HTR7: variants seen among roughly 807,000 people sequenced by gnomAD.
HTR7 encodes the protein 5-HT-7.
In HTR7, 16 loss-of-function variants were observed where a neutral mutation model predicts 34.0. The observed-to-expected ratio is 0.47, with a 90% confidence interval of 0.32 to 0.71. The LOEUF is 0.71. HTR7 is among the 30% of genes least tolerant of loss of function. The pLI, the probability that HTR7 is intolerant of heterozygous loss-of-function variation, is 0.04. For synonymous variants in HTR7, 265 were observed against 260.2 expected (o/e 1.02, Z -0.18); for missense variants, 504 against 625.5 (o/e 0.81, Z 2.07).
chr10:90,787,879 C>A (rs1845404618), intron 1 of HTR7, among the ~76,000 whole-genome samples: 1 of 151,950 alleles, frequency 6.6e-6, no homozygotes, highest in African/African-American at 2.4e-5. Context: ...CTTATGACCT[C>A]TTCCGCTTGC....
intron 1 of HTR7, among the ~76,000 whole-genome samples, chr10:90,841,722 G>A (rs375369338): frequency 5.3e-5 from 8 of 152,262 alleles, no homozygotes; most frequent in South Asian, 2.1e-4. Context: ...CCTGCTGGCC[G>A]GGCGTGATGG....
chr10:90,813,160 ACTCTCTTTTCAGAC>A (rs1845843766), intron 1 of HTR7, among the ~76,000 whole-genome samples: 1 of 151,370 alleles, frequency 6.6e-6, no homozygotes, highest in Admixed American at 6.6e-5. Flanking sequence ...CCCTTTGCTG[ACTCTCTTTTCAGAC>A]TTAGCCCGCC....
chr10:90,830,715 G>C (rs1029271429), intron 1 of HTR7, among the ~76,000 whole-genome samples: 4 of 150,310 alleles, frequency 2.7e-5, no homozygotes, highest in African/African-American at 9.8e-5. Flanking sequence ...TTAAGCCCGG[G>C]AGATGGAGGC....
At chr10:90,846,484 A>C (rs565476777) in intron 1 of HTR7, among the ~76,000 whole-genome samples, 32 of 152,210 alleles carry the variant, frequency 2.1e-4, no homozygotes, top group Admixed American at 9.8e-4. Flanking sequence ...GGTTCCAGCA[A>C]TTCTGTGGAG....
chr10:90,769,604 T>A (rs1845075894), intron 1 of HTR7, among the ~76,000 whole-genome samples: 1 of 152,210 alleles, frequency 6.6e-6, no homozygotes, highest in African/African-American at 2.4e-5. Context: ...TATTTTCTGG[T>A]TTAAAGTTTA....
intron 1 of HTR7, among the ~76,000 whole-genome samples, chr10:90,806,442 A>C (rs1282398193): frequency 1.3e-5 from 2 of 152,064 alleles, no homozygotes; most frequent in Non-Finnish European, 2.9e-5. Flanking sequence ...ACTAAAAAAT[A>C]CAAAAAATTA....
chr10:90,835,244 G>A (rs1365845455), intron 1 of HTR7, among the ~76,000 whole-genome samples: 1 of 152,184 alleles, frequency 6.6e-6, no homozygotes, highest in Non-Finnish European at 1.5e-5. Context: ...TCCCCATGCT[G>A]GAGATGTTCA....
chr10:90,800,186 A>T (rs1215080961), intron 1 of HTR7, among the ~76,000 whole-genome samples: 1 of 142,200 alleles, frequency 7.0e-6, no homozygotes. Context: ...ACAAAACTGG[A>T]ATTCCCATAC....
At chr10:90,830,282 TA>T (rs1846146588) in intron 1 of HTR7, among the ~76,000 whole-genome samples, 2 of 152,206 alleles carry the variant, frequency 1.3e-5, no homozygotes, top group Non-Finnish European at 2.9e-5. Context: ...ACTCTGCAAT[TA>T]TTAAAGAACA....
At chr10:90,805,372 G>C (rs906599777) in intron 1 of HTR7, among the ~76,000 whole-genome samples, 21 of 152,306 alleles carry the variant, frequency 1.4e-4, no homozygotes, top group Middle Eastern at 6.8e-3. Flanking sequence ...ATCAGTCTTT[G>C]AATCTCTTTG....
At chr10:90,820,610 A>C (rs1845964316) in intron 1 of HTR7, among the ~76,000 whole-genome samples, 1 of 152,214 alleles carries the variant, frequency 6.6e-6, no homozygotes, top group Admixed American at 6.5e-5. Context: ...TACACAGAAC[A>C]AAACGTCAAC....
chr10:90,783,273 G>A (rs529771066), intron 1 of HTR7, among the ~76,000 whole-genome samples: 58 of 152,236 alleles, frequency 3.8e-4, no homozygotes, highest in Middle Eastern at 3.4e-3. Flanking sequence ...CCCACTACCA[G>A]TGCCCAAGTT....
intron 1 of HTR7, among the ~76,000 whole-genome samples, chr10:90,838,455 A>G (rs2120079197): frequency 6.6e-6 from 1 of 152,326 alleles, no homozygotes; most frequent in Admixed American, 6.5e-5. Context: ...CTAACGTAGA[A>G]GCCTTCCCAT....
intron 1 of HTR7, among the ~76,000 whole-genome samples, chr10:90,755,835 T>C (rs1404884459): frequency 6.6e-6 from 1 of 152,220 alleles, no homozygotes; most frequent in Non-Finnish European, 1.5e-5. Context: ...TAAAGCTAAA[T>C]AATACACACT....
At chr10:90,836,477 T>C (rs1247167955) in intron 1 of HTR7, among the ~76,000 whole-genome samples, 2 of 152,160 alleles carry the variant, frequency 1.3e-5, no homozygotes, top group Non-Finnish European at 2.9e-5. Flanking sequence ...AGTCAAGCCA[T>C]TGACTAAACC....
intron 1 of HTR7, among the ~76,000 whole-genome samples, chr10:90,818,588 G>T (rs979352079): frequency 6.6e-6 from 1 of 151,956 alleles, no homozygotes; most frequent in Non-Finnish European, 1.5e-5. Flanking sequence ...TTCCTCTCAT[G>T]TTCTCACACT....
At chr10:90,846,733 T>G (rs1357792079) in intron 1 of HTR7, among the ~76,000 whole-genome samples, 3 of 152,230 alleles carry the variant, frequency 2.0e-5, no homozygotes, top group Non-Finnish European at 4.4e-5. Flanking sequence ...AGCCCAAATT[T>G]AGTAACATGG....
At chr10:90,748,800 T>C (rs2119673593) in intron 2 of HTR7, 39 bp downstream of exon 2, 1 of 1,562,502 alleles carries the variant, frequency 6.4e-7, no homozygotes, top group African/African-American at 1.4e-5. Context: ...CATAAAAGGG[T>C]TTGGGGGATA....
intron 1 of HTR7, among the ~76,000 whole-genome samples, chr10:90,843,397 G>A (rs890470529): frequency 6.6e-6 from 1 of 152,182 alleles, no homozygotes; most frequent in Non-Finnish European, 1.5e-5. Context: ...TGAGAATTAG[G>A]AAGAAAAAGT....
Sources: allele counts gnomAD v4.1 joint callset (sites outside exome capture counted in the v4.1 genomes callset), GRCh38; gene constraint gnomAD v4.1.1; transcripts MANE v1.5; gene names NCBI Gene and HGNC (gene_info 2026-07-23, HGNC 2026-07-21).